GALNTL6: variants seen among roughly 807,000 people sequenced by gnomAD.
GALNTL6 encodes the protein polypeptide N-acetylgalactosaminyltransferase-like 6.
Under a neutral mutation model 73.7 loss-of-function variants are expected in GALNTL6, and 46 were observed. The ratio of observed to expected loss-of-function variants is 0.62; its 90% CI spans 0.49 to 0.80. GALNTL6 has a LOEUF of 0.80. GALNTL6 is among the 30% of genes least tolerant of loss of function. GALNTL6 has a pLI of 0.00. For missense variants in GALNTL6, 604 were observed against 755.0 expected (o/e 0.80, Z 2.34); for synonymous variants, 259 against 263.7 (o/e 0.98, Z 0.17).
chr4:172,948,618 A>T (rs1253927907), intron 9 of GALNTL6, among the ~76,000 whole-genome samples: 3 of 136,538 alleles, frequency 2.2e-5, no homozygotes, highest in South Asian at 2.4e-4. Context: ...AGCCTCGCTA[A>T]TTTTTTTTTT....
intron 10 of GALNTL6, among the ~76,000 whole-genome samples, chr4:172,985,621 T>A (rs1028913845): frequency 3.3e-5 from 5 of 152,280 alleles, no homozygotes; most frequent in East Asian, 1.9e-4. Flanking sequence ...GGTTTTTTTT[T>A]AAAGATATTT....
intron 5 of GALNTL6, among the ~76,000 whole-genome samples, chr4:172,496,566 C>T (rs1734078982): frequency 6.6e-6 from 1 of 151,960 alleles, no homozygotes; most frequent in South Asian, 2.1e-4. Context: ...ACCTGTAGTT[C>T]CAGCTACTCA....
chr4:172,769,271 T>G (rs1281215271), intron 5 of GALNTL6, among the ~76,000 whole-genome samples: 1 of 151,838 alleles, frequency 6.6e-6, no homozygotes, highest in Non-Finnish European at 1.5e-5. Flanking sequence ...CTTGAGGTTT[T>G]AAAAAAAAGA....
chr4:172,851,508 C>T (rs1043544586), intron 7 of GALNTL6, among the ~76,000 whole-genome samples: 3 of 151,846 alleles, frequency 2.0e-5, no homozygotes, highest in African/African-American at 7.3e-5. Context: ...ACTGTCACAA[C>T]TACTCACAAA....
intron 2 of GALNTL6, among the ~76,000 whole-genome samples, chr4:172,074,770 A>C (rs1361481627): frequency 1.3e-5 from 2 of 152,146 alleles, no homozygotes; most frequent in Non-Finnish European, 2.9e-5. Flanking sequence ...AAAAACGAGA[A>C]TATCACTTGG....
At chr4:172,076,970 T>G (rs944571347) in intron 2 of GALNTL6, among the ~76,000 whole-genome samples, 2 of 152,196 alleles carry the variant, frequency 1.3e-5, no homozygotes, top group African/African-American at 4.8e-5. Context: ...TAAAAGTGTA[T>G]GGCACTTCCC....
chr4:171,895,524 G>C (rs1736885206), intron 2 of GALNTL6, among the ~76,000 whole-genome samples: 1 of 152,144 alleles, frequency 6.6e-6, no homozygotes, highest in African/African-American at 2.4e-5. Flanking sequence ...AGGATCTCAG[G>C]TGAGGACCGA....
At position 171,829,272 on chromosome 4, in the gene GALNTL6, A is replaced by G. The variant is rs572712889; in HGVS notation, c.138+14554A>G. Among the ~76,000 whole-genome samples, 38 of 152,162 alleles carry G rather than the reference A, an allele frequency of 2.5e-4. No homozygotes were observed. The South Asian group carries it at 7.7e-3, about 31-fold the overall frequency. On this transcript the variant is annotated intron_variant, in intron 2 of 12. Coordinates refer to ENST00000506823, the MANE Select transcript of GALNTL6 (RefSeq NM_001034845.3). ...AAAAACTTTACTGGACTTCTGTGAG[A>G]CACCCTCAGAAGGATACTCTGCCAC...
chr4:172,016,223 C>T (rs563099094), intron 2 of GALNTL6, among the ~76,000 whole-genome samples: 1 of 151,936 alleles, frequency 6.6e-6, no homozygotes, highest in Non-Finnish European at 1.5e-5. Flanking sequence ...GGCCACTTAA[C>T]ATAATCTCAA....
chr4:172,132,090 A>G (rs979514586), intron 2 of GALNTL6, among the ~76,000 whole-genome samples: 2 of 152,088 alleles, frequency 1.3e-5, no homozygotes, highest in Non-Finnish European at 2.9e-5. Context: ...TGGAAGAGAT[A>G]TTTTATTTTG....
intron 2 of GALNTL6, among the ~76,000 whole-genome samples, chr4:171,987,398 G>A (rs1245756382): frequency 6.6e-6 from 1 of 152,172 alleles, no homozygotes; most frequent in Non-Finnish European, 1.5e-5. Context: ...CTAAACTGAG[G>A]AATTATGTCT....
intron 5 of GALNTL6, among the ~76,000 whole-genome samples, chr4:172,609,824 G>T (rs1047793725): frequency 1.1e-4 from 16 of 149,738 alleles, no homozygotes; most frequent in African/African-American, 4.0e-4. Flanking sequence ...TCTGGTCCTG[G>T]ATTTTTTTTT....
intron 5 of GALNTL6, among the ~76,000 whole-genome samples, chr4:172,546,820 G>GTATATATATGTGTATATATACA: frequency 2.0e-5 from 1 of 49,058 alleles, no homozygotes; most frequent in African/African-American, 9.8e-5. Flanking sequence ...ATATATATAC[G>GTATATATATGTGTATATATACA]TATATGTATA....
At chr4:172,195,025 C>T (rs888210399) in intron 2 of GALNTL6, among the ~76,000 whole-genome samples, 1 of 151,884 alleles carries the variant, frequency 6.6e-6, no homozygotes, top group African/African-American at 2.4e-5. Flanking sequence ...GAGTCAAGAC[C>T]CATTGGCATG....
chr4:171,838,406 A>G (rs1164044504), intron 2 of GALNTL6, among the ~76,000 whole-genome samples: 1 of 152,086 alleles, frequency 6.6e-6, no homozygotes, highest in Non-Finnish European at 1.5e-5. Context: ...TACAGTTGTG[A>G]GCCACCACGC....
chr4:172,801,159 T>C (rs546167924), intron 5 of GALNTL6, among the ~76,000 whole-genome samples: 3 of 152,342 alleles, frequency 2.0e-5, no homozygotes, highest in South Asian at 4.1e-4. Context: ...CTTTTCAAAA[T>C]TGAAATAATG....
intron 2 of GALNTL6, among the ~76,000 whole-genome samples, chr4:171,946,101 C>T (rs992666133): frequency 6.6e-6 from 1 of 152,092 alleles, no homozygotes; most frequent in Admixed American, 6.6e-5. Flanking sequence ...AATTAGCAAG[C>T]TGGGTATTGC....
intron 2 of GALNTL6, among the ~76,000 whole-genome samples, chr4:172,179,283 G>A (rs1735157549): frequency 6.6e-6 from 1 of 151,612 alleles, no homozygotes; most frequent in Admixed American, 6.6e-5. Context: ...CAGTGTAAAA[G>A]TATTCCTATT....
chr4:171,997,814 C>G (rs1463937515), intron 2 of GALNTL6, among the ~76,000 whole-genome samples: 1 of 152,002 alleles, frequency 6.6e-6, no homozygotes, highest in Non-Finnish European at 1.5e-5. Flanking sequence ...GATATCAGAG[C>G]CATTTTTCCA....
Sources: allele counts gnomAD v4.1 joint callset (sites outside exome capture counted in the v4.1 genomes callset), GRCh38; gene constraint gnomAD v4.1.1; transcripts MANE v1.5; gene names NCBI Gene and HGNC (gene_info 2026-07-23, HGNC 2026-07-21).